The following FANCD2 variants were observed in gnomAD, a reference collection of about 807,000 sequenced individuals.
The protein encoded by FANCD2 is FA complementation group D2, also known as Fanconi anemia group D2 protein.
Under a neutral mutation model 192.3 loss-of-function variants are expected in FANCD2, and 131 were observed. The ratio of observed to expected loss-of-function variants is 0.68; its 90% CI spans 0.59 to 0.79. The LOEUF is 0.79. FANCD2 is among the 30% of genes least tolerant of loss of function. The pLI, the probability that FANCD2 is intolerant of heterozygous loss-of-function variation, is 0.00. For synonymous variants in FANCD2, 524 were observed against 612.5 expected (o/e 0.86, Z 2.13); for missense variants, 1,508 against 1,701.6 (o/e 0.89, Z 2.00).
chr3:10,090,451 T>C, intron 37 of FANCD2, 66 bp downstream of exon 37: 1 of 938,440 alleles, frequency 1.1e-6, no homozygotes, highest in Non-Finnish European at 1.6e-6. Context: ...TGATTTTTTT[T>C]TTTTTTTTTT....
chr3:10,097,988 GT>G (rs34966633), intron 42 of FANCD2, among the ~76,000 whole-genome samples: 36,722 of 151,828 alleles, frequency 0.24, 5,941 homozygotes, highest in African/African-American at 0.46. Flanking sequence ...CATTTATAAG[GT>G]TTTTTTTAGT....
chr3:10,082,017 T>C (rs1432684195), intron 32 of FANCD2, among the ~76,000 whole-genome samples: 2 of 152,224 alleles, frequency 1.3e-5, no homozygotes, highest in African/African-American at 4.8e-5. Context: ...AGCTTAAATT[T>C]AGCCAAAATT....
intron 7 of FANCD2, among the ~76,000 whole-genome samples, chr3:10,036,842 G>T (rs66797209): frequency 1.1e-4 from 16 of 151,798 alleles, no homozygotes; most frequent in African/African-American, 3.9e-4. Context: ...TTTAAATTTT[G>T]TAGTGTATGT....
intron 41 of FANCD2, among the ~76,000 whole-genome samples, chr3:10,095,878 A>ATT (rs397950663): frequency 0.18 from 22,119 of 125,686 alleles, 2,251 homozygotes; most frequent in African/African-American, 0.23. Context: ...CTGAACAGTG[A>ATT]TTTTTTTTTT....
chr3:10,026,948 G>A (rs779042452), intron 1 of FANCD2, among the ~76,000 whole-genome samples: 7 of 150,454 alleles, frequency 4.7e-5, no homozygotes, highest in South Asian at 2.1e-4. Flanking sequence ...GTAAGTATAG[G>A]TGGTGAAGAG....
chr3:10,060,833 C>T lies in FANCD2; in HGVS notation c.1766+430C>T, dbSNP rs577427524. ...TCCCCTCACCTTGTTCCTTGAGGCC[C>T]CATTTGTAGAATCTAAAGAAATATC... On this transcript the variant is annotated intron_variant, in intron 19 of 43. Transcript: ENST00000675286. Among the ~76,000 whole-genome samples the T allele has an allele frequency of 5.3e-5, 8 of 152,270 alleles. No individual in the cohort carries two copies. In the South Asian group the frequency reaches 1.7e-3, roughly 32 times the overall value.
intron 16 of FANCD2, among the ~76,000 whole-genome samples, chr3:10,048,861 A>T (rs1330920034): frequency 7.3e-5 from 2 of 27,412 alleles, no homozygotes; most frequent in Admixed American, 2.5e-4. Flanking sequence ...TGTTATGACT[A>T]TTATGGAGTG....
chr3:10,089,006 G>A, intron 36 of FANCD2, 56 bp downstream of exon 36: 6 of 1,587,856 alleles, frequency 3.8e-6, no homozygotes, highest in Non-Finnish European at 5.2e-6. Flanking sequence ...CATCAGGCTG[G>A]GCACGGTGGC....
Position 10,101,706 on chromosome 3 carries a change from C to CT in FANCD2, c.*447dup. 1 of 266,850 alleles carries CT rather than the reference C, an allele frequency of 3.7e-6. No individual in the cohort carries two copies. 16.5% of individuals were successfully genotyped at this position (266,850 alleles called of 1,614,324 possible). ...CCATATTTTGTTCTTAAAGTGGGGT[C>CT]TTTATTAACTTGTGGACATCATGGA... is the stretch of plus-strand genomic sequence containing the variant. On this transcript the variant is annotated 3_prime_UTR_variant, in exon 44 of 44. Transcript: ENST00000675286.
intron 7 of FANCD2, among the ~76,000 whole-genome samples, chr3:10,038,579 CTTT>C (rs573306335): frequency 1.6e-5 from 2 of 128,948 alleles, no homozygotes; most frequent in Non-Finnish European, 1.6e-5. Flanking sequence ...TATATGCTTG[CTTT>C]TTTTTTTTTT....
chr3:10,070,849 AAAC>A (rs1426997443), intron 26 of FANCD2, among the ~76,000 whole-genome samples: 1 of 146,888 alleles, frequency 6.8e-6, no homozygotes, highest in Admixed American at 6.8e-5. Flanking sequence ...GTGCTCTCTG[AAAC>A]ATGTGCTGTG....
chr3:10,028,039 C>G (rs1322136150), intron 1 of FANCD2, among the ~76,000 whole-genome samples: 4 of 133,658 alleles, frequency 3.0e-5, no homozygotes, highest in African/African-American at 8.8e-5. Flanking sequence ...ATGGTGAAAC[C>G]CTGTCTCTAC....
intron 14 of FANCD2, 81 bp from the exon 15 acceptor site, chr3:10,046,499 G>A: frequency 1.3e-6 from 2 of 1,579,652 alleles, no homozygotes; most frequent in East Asian, 2.3e-5. Flanking sequence ...GTTTTAATTA[G>A]AGGAAAAGCT....
At chr3:10,036,159 T>A in intron 6 of FANCD2, 128 bp from the exon 7 acceptor site, 1 of 634,868 alleles carries the variant, frequency 1.6e-6, no homozygotes, top group Non-Finnish European at 2.9e-6. Flanking sequence ...CAATCTCGGC[T>A]CACTGCAATC....
intron 18 of FANCD2, 62 bp from the exon 19 acceptor site, chr3:10,060,232 T>C: frequency 8.8e-7 from 1 of 1,135,114 alleles, no homozygotes; most frequent in Non-Finnish European, 1.3e-6. Context: ...TGGCTCGATA[T>C]CCATACCTTC....
At chr3:10,052,575 T>C (rs907141744) in intron 18 of FANCD2, 78 bp downstream of exon 18, 1 of 958,012 alleles carries the variant, frequency 1.0e-6, no homozygotes, top group Non-Finnish European at 1.7e-6. Flanking sequence ...TGGAGTGCAG[T>C]TGGCACGATC....
Position 10,101,902 on chromosome 3 carries a change from A to G in FANCD2, c.*640A>G, listed in dbSNP as rs191465938. Reference sequence around the variant, plus strand: ...TATTGTAGAACTTAGGCTTGTACCAATTTTACAAATAAATTCTGTTCTAAG... The same window carrying G: ...TATTGTAGAACTTAGGCTTGTACCAGTTTTACAAATAAATTCTGTTCTAAG... On this transcript the variant is annotated 3_prime_UTR_variant, in exon 44 of 44. Coordinates refer to ENST00000675286, the MANE Select transcript of FANCD2 (RefSeq NM_001018115.3). 13 of 184,098 alleles carry G rather than the reference A, an allele frequency of 7.1e-5. No individual in the cohort carries two copies. The East Asian group carries it at 9.8e-4, about 14-fold the overall frequency. The allele number at this position is 184,098 out of a possible 1,614,324, so 11.4% of individuals were successfully genotyped here.
intron 26 of FANCD2, among the ~76,000 whole-genome samples, chr3:10,068,094 T>A (rs1057249739): frequency 1.3e-5 from 2 of 152,140 alleles, no homozygotes; most frequent in African/African-American, 4.8e-5. Flanking sequence ...TACCCACTTA[T>A]ATAATACCAC....
intron 26 of FANCD2, among the ~76,000 whole-genome samples, chr3:10,072,005 C>T (rs1693279878): frequency 6.6e-6 from 1 of 152,106 alleles, no homozygotes; most frequent in Non-Finnish European, 1.5e-5. Context: ...AGTGATCCAC[C>T]TTCCTCGGCC....
Sources: gnomAD v4.1 joint callset for allele counts (sites outside exome capture counted in the v4.1 genomes callset) on GRCh38, gnomAD v4.1.1 for gene constraint, MANE v1.5 for transcripts, NCBI Gene and HGNC (gene_info 2026-07-23, HGNC 2026-07-21) for gene names.